FRMD4A: variants seen among roughly 807,000 people sequenced by gnomAD.
FRMD4A encodes FERM domain containing 4A, also known as FERM domain-containing protein 4A.
In FRMD4A, 29 loss-of-function variants were observed where a neutral mutation model predicts 129.1. The ratio of observed to expected loss-of-function variants is 0.22; its 90% confidence interval spans 0.17 to 0.31. The LOEUF (loss-of-function observed/expected upper bound fraction) is 0.31, where lower values mean the gene tolerates loss of function less well. FRMD4A is among the 10% of genes least tolerant of loss of function. The pLI is 1.00. For synonymous variants in FRMD4A, 634 were observed against 571.6 expected, an observed-to-expected ratio of 1.11 and a Z score of -1.56; for missense variants, 1,272 against 1,375.8, an observed-to-expected ratio of 0.92 and a Z score of 1.19.
chr10:13,954,545 T>C (rs1258587565), intron 2 of FRMD4A, among the ~76,000 whole-genome samples: 4 of 152,028 alleles, frequency 2.6e-5, no homozygotes, highest in Admixed American at 6.5e-5. Context: ...CAAGATGAGA[T>C]TTGGGTGGGG....
chr10:14,045,703 TATA>T (rs1315636409), intron 2 of FRMD4A, among the ~76,000 whole-genome samples: 2 of 146,438 alleles, frequency 1.4e-5, no homozygotes, highest in African/African-American at 2.5e-5. Context: ...ATAATTATAT[TATA>T]ATATTTATCA....
chr10:13,856,523 C>T (rs923055190), intron 3 of FRMD4A, among the ~76,000 whole-genome samples: 6 of 151,924 alleles, frequency 3.9e-5, no homozygotes, highest in Non-Finnish European at 5.9e-5. Flanking sequence ...AAGAAAGAAA[C>T]GCAGTACAGA....
intron 2 of FRMD4A, among the ~76,000 whole-genome samples, chr10:13,861,229 C>T (rs1260643136): frequency 1.3e-5 from 2 of 152,116 alleles, no homozygotes; most frequent in African/African-American, 2.4e-5. Context: ...AGCCCTAACC[C>T]CCAATGTATT....
intron 2 of FRMD4A, 21 bp from the exon 3 acceptor site, chr10:13,858,933 T>C (rs2094252488): frequency 6.8e-7 from 1 of 1,476,806 alleles, no homozygotes; most frequent in Non-Finnish European, 9.5e-7. Flanking sequence ...AGAGAAATGG[T>C]AGTCACTGAG....
intron 2 of FRMD4A, among the ~76,000 whole-genome samples, chr10:13,887,455 C>T (rs944507943): frequency 3.3e-5 from 5 of 152,018 alleles, no homozygotes; most frequent in Admixed American, 6.6e-5. Context: ...CTGAGGTGGG[C>T]GGATCACATG....
intron 6 of FRMD4A, among the ~76,000 whole-genome samples, chr10:13,763,156 C>G (rs910574767): frequency 6.6e-6 from 1 of 152,088 alleles, no homozygotes; most frequent in Admixed American, 6.5e-5. Flanking sequence ...TGGGCCTACC[C>G]GACTATCTCA....
intron 2 of FRMD4A, among the ~76,000 whole-genome samples, chr10:14,313,286 C>A (rs1326684316): frequency 6.6e-6 from 1 of 152,012 alleles, no homozygotes; most frequent in Admixed American, 6.6e-5. Flanking sequence ...TCACTTGACC[C>A]CAGGATGTTG....
chr10:14,095,876 C>T (rs553688166), intron 2 of FRMD4A, among the ~76,000 whole-genome samples: 3 of 152,316 alleles, frequency 2.0e-5, no homozygotes, highest in Non-Finnish European at 4.4e-5. Flanking sequence ...ATGGCCAGAG[C>T]ACTCACTGTC....
At chr10:13,817,459 G>A (rs992428702) in intron 3 of FRMD4A, among the ~76,000 whole-genome samples, 5 of 152,174 alleles carry the variant, frequency 3.3e-5, no homozygotes, top group Admixed American at 2.0e-4. Flanking sequence ...GCTGTAAAGC[G>A]CTCTAGGCAC....
intron 2 of FRMD4A, among the ~76,000 whole-genome samples, chr10:13,981,962 C>T (rs2095563109): frequency 6.6e-6 from 1 of 152,086 alleles, no homozygotes; most frequent in African/African-American, 2.4e-5. Context: ...GAAAATGTTA[C>T]TCAAAAATGA....
At position 14,218,955 on chromosome 10, in the gene FRMD4A, C is replaced by CAAA. The variant is rs56064346; in HGVS notation, c.45+111100_45+111102dup. On this transcript the variant is annotated intron_variant, in intron 2 of 24. Transcript: ENST00000357447. The stretch of plus-strand genomic sequence containing the variant: ...GGGCAACAAGAGTGAGACTTCATCT[C>CAAA]AAAAAAAAAAAAAAAAAAAAAAAAA... 2.2e-4 allele frequency among the ~76,000 whole-genome samples: 16 copies of CAAA among 72,648 alleles called. 2 individuals are homozygous for CAAA. Among genetic ancestry groups the CAAA allele is most frequent in the African/African-American group, 1.1e-3 (15 of 13,056 alleles). The allele number at this position is 72,648 out of a possible 152,430, so 47.7% of individuals were successfully genotyped here. A position where few individuals can be genotyped will look rare whatever the true frequency, so the allele number is the denominator to read the frequency against.
Position 13,681,039 on chromosome 10 carries a change from C to A in FRMD4A, c.1118-5995G>T, listed in dbSNP as rs138483231. Among the ~76,000 whole-genome samples, 19 of 152,348 alleles carry A rather than the reference C, an allele frequency of 1.2e-4. No homozygotes were observed. The South Asian group carries it at 1.9e-3, about 15-fold the overall frequency. On this transcript the variant is annotated intron_variant, in intron 15 of 24. Coordinates refer to ENST00000357447, the MANE Select transcript of FRMD4A (RefSeq NM_018027.5). Reference sequence around the variant, plus strand: ...TCTATAAAATTACCAATTGACCCATCTCTAAGATTCCTCAAACTGAATTCA... The same window carrying A: ...TCTATAAAATTACCAATTGACCCATATCTAAGATTCCTCAAACTGAATTCA...
intron 2 of FRMD4A, among the ~76,000 whole-genome samples, chr10:14,123,561 C>A (rs896237899): frequency 2.6e-5 from 4 of 152,154 alleles, no homozygotes; most frequent in Non-Finnish European, 5.9e-5. Context: ...ATTGGGCAGT[C>A]CCCCATCTTT....
At chr10:13,756,247 A>G (rs1045691136) in intron 8 of FRMD4A, 9 of 152,214 alleles carry the variant, frequency 5.9e-5, no homozygotes, top group Non-Finnish European at 1.3e-4. Context: ...CTGTTAATGT[A>G]TGGACGATTC....
At chr10:14,308,524 C>G (rs1252784407) in intron 2 of FRMD4A, among the ~76,000 whole-genome samples, 1 of 152,086 alleles carries the variant, frequency 6.6e-6, no homozygotes, top group African/African-American at 2.4e-5. Context: ...AAAATACAAC[C>G]TGCTTTCCTA....
chr10:13,708,965 A>G (rs1446518717), intron 12 of FRMD4A, among the ~76,000 whole-genome samples: 3 of 151,916 alleles, frequency 2.0e-5, no homozygotes, highest in Non-Finnish European at 2.9e-5. Flanking sequence ...TCCAAGCTCC[A>G]CTACTTTTTT....
chr10:14,300,717 C>T (rs1846155720), intron 2 of FRMD4A, among the ~76,000 whole-genome samples: 1 of 152,176 alleles, frequency 6.6e-6, no homozygotes, highest in Non-Finnish European at 1.5e-5. Context: ...AACAAGAAGA[C>T]AGCTCCATCT....
chr10:14,172,485 A>T (rs896625706), intron 2 of FRMD4A, among the ~76,000 whole-genome samples: 1 of 152,162 alleles, frequency 6.6e-6, no homozygotes, highest in Non-Finnish European at 1.5e-5. Flanking sequence ...GGTCCTGATT[A>T]TTTGCATAGG....
chr10:13,838,764 A>G (rs1050799342), intron 3 of FRMD4A, among the ~76,000 whole-genome samples: 1 of 152,136 alleles, frequency 6.6e-6, no homozygotes, highest in African/African-American at 2.4e-5. Context: ...AAGTGCTGAG[A>G]TTACAGGCGT....
Sources: allele counts gnomAD v4.1 joint callset (sites outside exome capture counted in the v4.1 genomes callset), GRCh38; gene constraint gnomAD v4.1.1; transcripts MANE v1.5; gene names NCBI Gene and HGNC (gene_info 2026-07-23, HGNC 2026-07-21).